Variants in FARP1 observed in about 807,000 individuals in gnomAD.
The protein encoded by FARP1 is FERM, ARH/RhoGEF and pleckstrin domain protein 1, also known as FERM, ARHGEF and pleckstrin domain-containing protein 1.
Under a neutral mutation model 128.8 loss-of-function variants are expected in FARP1, and 52 were observed. The ratio of observed to expected loss-of-function variants is 0.40; its 90% CI spans 0.32 to 0.51. The LOEUF (loss-of-function observed/expected upper bound fraction) is 0.51. Among genes scored for constraint, FARP1 ranks in the 20% least tolerant of loss-of-function variants. FARP1 has a pLI of 0.45. For missense variants in FARP1, 1,333 were observed against 1,367.9 expected (o/e 0.97, Z 0.40); for synonymous variants, 580 against 551.8 (o/e 1.05, Z -0.72).
chr13:98,402,747 G>C (rs910190309), intron 13 of FARP1: 3 of 152,120 alleles, frequency 2.0e-5, no homozygotes, highest in African/African-American at 7.2e-5. Flanking sequence ...AGGTTGCTGT[G>C]AAAACCTAAC....
intron 3 of FARP1, among the ~76,000 whole-genome samples, chr13:98,355,784 C>G (rs1202910931): frequency 6.6e-6 from 1 of 151,920 alleles, no homozygotes; most frequent in Non-Finnish European, 1.5e-5. Flanking sequence ...TGGCATCCCA[C>G]AAAGGTTGAT....
At chr13:98,234,415 G>A (rs988184153) in intron 2 of FARP1, 1 of 152,206 alleles carries the variant, frequency 6.6e-6, no homozygotes, top group Non-Finnish European at 1.5e-5. Context: ...ATCTAAGCCA[G>A]TTTACTGATT....
intron 1 of FARP1, among the ~76,000 whole-genome samples, chr13:98,161,528 CTT>C (rs1301969115): frequency 1.3e-5 from 2 of 151,852 alleles, no homozygotes; most frequent in African/African-American, 2.4e-5. Flanking sequence ...CTTCAGTAGT[CTT>C]TAAGTCAACA....
At chr13:98,160,503 G>C (rs538834623) in intron 1 of FARP1, among the ~76,000 whole-genome samples, 2 of 151,880 alleles carry the variant, frequency 1.3e-5, no homozygotes, top group Non-Finnish European at 2.9e-5. Context: ...TTTTTTTCTC[G>C]TTTCTTTTTG....
At chr13:98,317,201 A>T (rs1334718729) in intron 2 of FARP1, among the ~76,000 whole-genome samples, 3 of 152,228 alleles carry the variant, frequency 2.0e-5, no homozygotes, top group African/African-American at 7.2e-5. Context: ...GAGAGAGAGA[A>T]GGGAGAGCAA....
At chr13:98,180,297 G>A (rs1185749114) in intron 1 of FARP1, among the ~76,000 whole-genome samples, 2 of 151,936 alleles carry the variant, frequency 1.3e-5, no homozygotes, top group East Asian at 1.9e-4. Context: ...GAGGGGCCAC[G>A]TACTTCTAAA....
chr13:98,149,468 C>CT (rs1171908330), intron 1 of FARP1, among the ~76,000 whole-genome samples: 1 of 151,954 alleles, frequency 6.6e-6, no homozygotes, highest in African/African-American at 2.4e-5. Flanking sequence ...CCTCCTGGGT[C>CT]TTTAAGTGTG....
intron 17 of FARP1, 92 bp downstream of exon 17, chr13:98,424,742 C>G: frequency 1.2e-6 from 1 of 844,768 alleles, no homozygotes; most frequent in Non-Finnish European, 2.0e-6. Flanking sequence ...TTTCCATCAG[C>G]ATGCATCACC....
chr13:98,213,394 A>G lies in FARP1; in HGVS notation c.152A>G (p.Gln51Arg), dbSNP rs775476105. The G allele has an allele frequency of 1.9e-6, 3 of 1,613,950 alleles. No homozygotes were observed. Among genetic ancestry groups the G allele is most frequent in the Admixed American group, 3.3e-5 (2 of 60,002 alleles). ...SIKIQMLDDT[Q>R]EAFEVPQRAP... ...AAAATCCAGATGCTGGATGACACCC[A>G]GGAGGCATTTGAAGTTCCAGTAAGT... The change falls in exon 2 of 27, where the codon CAG becomes CGG. Residue 51 changes from glutamine (Q) to arginine (R), a missense_variant. Gln to Arg is a conservative substitution (Grantham distance 43). Coordinates refer to ENST00000319562, the MANE Select transcript of FARP1 (RefSeq NM_005766.4).
intron 1 of FARP1, among the ~76,000 whole-genome samples, chr13:98,186,586 C>T (rs139630854): frequency 0.013 from 1,966 of 152,308 alleles, 36 homozygotes; most frequent in African/African-American, 0.044. Flanking sequence ...CATGTTGTAG[C>T]ATGCGTCAGA....
At chr13:98,377,364 A>G (rs1263968331) in intron 5 of FARP1, among the ~76,000 whole-genome samples, 2 of 119,496 alleles carry the variant, frequency 1.7e-5, no homozygotes, top group African/African-American at 6.8e-5. Context: ...CTATGGAAGT[A>G]GTTACACCAC....
In FARP1 at chr13:98,449,032, A is replaced by G. The variant is rs1893050153; in HGVS notation, c.*715A>G. 1 of 152,280 alleles carries G rather than the reference A, an allele frequency of 6.6e-6. No homozygotes were observed. Among genetic ancestry groups the G allele is most frequent in the Non-Finnish European group, 1.5e-5 (1 of 68,072 alleles). 9.4% of individuals were successfully genotyped at this position (152,280 alleles called of 1,614,324 possible). ...TTTCTGTTAAGCAAAGCCGAGATCC[A>G]GTGCAATACCTGGACTGTCACCGTC... On this transcript the variant is annotated 3_prime_UTR_variant, in exon 27 of 27. Transcript: ENST00000319562.
At chr13:98,190,173 C>T (rs1226594971) in intron 1 of FARP1, among the ~76,000 whole-genome samples, 1 of 152,170 alleles carries the variant, frequency 6.6e-6, no homozygotes, top group Non-Finnish European at 1.5e-5. Flanking sequence ...GAGATCCCCA[C>T]TTCTTTGTCA....
At chr13:98,195,377 CTGTTTGTT>C (rs138966295) in intron 1 of FARP1, among the ~76,000 whole-genome samples, 33 of 152,118 alleles carry the variant, frequency 2.2e-4, no homozygotes, top group African/African-American at 7.2e-4. Context: ...TTCCCCCGGG[CTGTTTGTT>C]TGTTTGTTTG....
At chr13:98,144,338 G>T (rs1875346663) in intron 1 of FARP1, among the ~76,000 whole-genome samples, 1 of 152,160 alleles carries the variant, frequency 6.6e-6, no homozygotes, top group South Asian at 2.1e-4. Context: ...AGAAAGGAGG[G>T]AGCTGAGGCT....
intron 1 of FARP1, among the ~76,000 whole-genome samples, chr13:98,178,253 T>C (rs977635803): frequency 1.4e-5 from 2 of 145,994 alleles, no homozygotes; most frequent in Non-Finnish European, 3.0e-5. Context: ...TGGAGTGCAG[T>C]TACATGATCC....
chr13:98,213,494 GC>G, intron 2 of FARP1, 81 bp downstream of exon 2: 1 of 1,434,842 alleles, frequency 7.0e-7, no homozygotes, highest in Non-Finnish European at 9.5e-7. Flanking sequence ...CATTCCCATG[GC>G]CAGTGACATG....
intron 1 of FARP1, among the ~76,000 whole-genome samples, chr13:98,174,262 T>A (rs1366899951): frequency 6.6e-6 from 1 of 152,228 alleles, no homozygotes; most frequent in South Asian, 2.1e-4. Flanking sequence ...AAGAACTATA[T>A]ATCTTAGTGC....
chr13:98,374,655 A>G (rs1334832609), intron 5 of FARP1, among the ~76,000 whole-genome samples: 1 of 151,988 alleles, frequency 6.6e-6, no homozygotes, highest in Non-Finnish European at 1.5e-5. Flanking sequence ...TATCCTTTGT[A>G]TTTTTCCAAA....
Sources: gnomAD v4.1 joint callset for allele counts (sites outside exome capture counted in the v4.1 genomes callset) on GRCh38, gnomAD v4.1.1 for gene constraint, MANE v1.5 for transcripts, NCBI Gene and HGNC (gene_info 2026-07-23, HGNC 2026-07-21) for gene names.